Variants in RBFOX1 observed in about 807,000 individuals in gnomAD.
The protein encoded by RBFOX1 is RNA binding protein fox-1 homolog 1.
RBFOX1 carries 8 observed loss-of-function variants against 57.7 expected under a neutral mutation model. That is an observed-to-expected ratio of 0.14 (90% CI 0.08 to 0.25). The LOEUF (loss-of-function observed/expected upper bound fraction) is 0.25. Ranked by LOEUF, RBFOX1 falls within the 10% of genes least tolerant of loss-of-function variation. The pLI is 1.00. For synonymous variants in RBFOX1, 326 were observed against 222.4 expected (o/e 1.47, Z -4.15); for missense variants, 611 against 548.5 (o/e 1.11, Z -1.14).
chr16:5,736,605 G>A (rs573169660), intron 3 of RBFOX1, among the ~76,000 whole-genome samples: 6 of 152,234 alleles, frequency 3.9e-5, no homozygotes, highest in South Asian at 2.1e-4. Flanking sequence ...TGAAGTGGAA[G>A]CTATTTAAAT....
chr16:7,533,934 A>C (rs1035387674), intron 5 of RBFOX1, among the ~76,000 whole-genome samples: 3 of 152,130 alleles, frequency 2.0e-5, no homozygotes, highest in Non-Finnish European at 2.9e-5. Flanking sequence ...TAATTCTAAA[A>C]CCAATGGTGG....
At chr16:7,473,156 T>A (rs1227821182) in intron 4 of RBFOX1, among the ~76,000 whole-genome samples, 1 of 152,016 alleles carries the variant, frequency 6.6e-6, no homozygotes, top group Non-Finnish European at 1.5e-5. Context: ...GGTGGGTGAA[T>A]TGCTTTAAGC....
intron 3 of RBFOX1, among the ~76,000 whole-genome samples, chr16:6,899,536 G>C (rs1299829908): frequency 6.6e-6 from 1 of 152,194 alleles, no homozygotes; most frequent in East Asian, 1.9e-4. Context: ...TATATTTAGA[G>C]ACACCTGGAT....
chr16:7,665,156 T>A (rs1395226071), intron 13 of RBFOX1, among the ~76,000 whole-genome samples, 188 bp downstream of exon 13: 2 of 152,166 alleles, frequency 1.3e-5, no homozygotes, highest in Admixed American at 6.5e-5. Context: ...CATCACTGGC[T>A]GTTTAGTGGG....
chr16:7,256,914 C>G (rs899080398), intron 4 of RBFOX1, among the ~76,000 whole-genome samples: 3 of 152,102 alleles, frequency 2.0e-5, no homozygotes, highest in African/African-American at 4.8e-5. Flanking sequence ...CTACCCAAGT[C>G]TCTCTCCCTG....
intron 4 of RBFOX1, among the ~76,000 whole-genome samples, chr16:7,166,038 G>T (rs1260000055): frequency 6.6e-6 from 1 of 151,676 alleles, no homozygotes; most frequent in African/African-American, 2.4e-5. Flanking sequence ...TGTTGAGGTG[G>T]AATCTCATTC....
At chr16:5,652,965 G>T (rs1370864758) in intron 3 of RBFOX1, among the ~76,000 whole-genome samples, 3 of 152,254 alleles carry the variant, frequency 2.0e-5, no homozygotes, top group Non-Finnish European at 4.4e-5. Flanking sequence ...GCTGCACCCT[G>T]TGCACACTCA....
At chr16:6,383,302 A>C (rs1349691238) in intron 2 of RBFOX1, among the ~76,000 whole-genome samples, 1 of 151,992 alleles carries the variant, frequency 6.6e-6, no homozygotes, top group Non-Finnish European at 1.5e-5. Context: ...GCATCAGTTG[A>C]CTCTCCTCTT....
intron 1 of RBFOX1, among the ~76,000 whole-genome samples, chr16:5,348,340 A>G (rs150562108): frequency 6.6e-6 from 1 of 152,338 alleles, no homozygotes; most frequent in African/African-American, 2.4e-5. Flanking sequence ...AACATTTATG[A>G]CTAATAGTAA....
chr16:7,181,498 C>G (rs1326772954), intron 4 of RBFOX1, among the ~76,000 whole-genome samples: 1 of 151,828 alleles, frequency 6.6e-6, no homozygotes. Context: ...TAAATTCCTT[C>G]CTTCCTTCTT....
At chr16:7,665,177 C>A (rs144276103) in intron 13 of RBFOX1, among the ~76,000 whole-genome samples, 1 of 152,092 alleles carries the variant, frequency 6.6e-6, no homozygotes, top group Non-Finnish European at 1.5e-5. Flanking sequence ...GTGGAATTAA[C>A]CCCTCGATCA....
intron 4 of RBFOX1, among the ~76,000 whole-genome samples, chr16:5,934,569 C>T (rs1181807634): frequency 6.6e-6 from 1 of 152,068 alleles, no homozygotes; most frequent in Admixed American, 6.6e-5. Context: ...TGGACAGATC[C>T]CGCCAAGTGT....
intron 1 of RBFOX1, among the ~76,000 whole-genome samples, chr16:5,396,213 A>G (rs569703007): frequency 6.6e-6 from 1 of 152,354 alleles, no homozygotes; most frequent in African/African-American, 2.4e-5. Flanking sequence ...TACGTGAAAC[A>G]AGGCATCTGA....
chr16:5,344,603 C>T (rs766749385), intron 1 of RBFOX1, among the ~76,000 whole-genome samples: 1 of 151,932 alleles, frequency 6.6e-6, no homozygotes, highest in Admixed American at 6.5e-5. Flanking sequence ...TGTTTTTTTC[C>T]CCCTCCCCCG....
chr16:7,345,899 A>G (rs2096991235), intron 4 of RBFOX1, among the ~76,000 whole-genome samples: 1 of 152,060 alleles, frequency 6.6e-6, no homozygotes, highest in South Asian at 2.1e-4. Context: ...ACATACATAT[A>G]CATGTGCCAT....
chr16:5,908,555 A>G (rs2058535015), intron 4 of RBFOX1, among the ~76,000 whole-genome samples: 1 of 151,726 alleles, frequency 6.6e-6, no homozygotes, highest in Non-Finnish European at 1.5e-5. Context: ...TTTTCACCAT[A>G]TTGGCCTGGC....
chr16:7,597,317 G>A, intron 8 of RBFOX1, 54 bp from the exon 9 acceptor site: 2 of 1,347,252 alleles, frequency 1.5e-6, no homozygotes, highest in East Asian at 2.4e-5. Flanking sequence ...GCAACTAATT[G>A]AATTGGGAGC....
chr16:7,439,730 T>C (rs1183209834), intron 4 of RBFOX1, among the ~76,000 whole-genome samples: 1 of 152,170 alleles, frequency 6.6e-6, no homozygotes, highest in African/African-American at 2.4e-5. Context: ...TGCTAATGGA[T>C]GTGTCTTTTC....
chr16:7,152,608 G>C (rs537178764), intron 4 of RBFOX1, among the ~76,000 whole-genome samples: 91 of 152,266 alleles, frequency 6.0e-4, no homozygotes, highest in African/African-American at 2.0e-3. Flanking sequence ...TGGCTTCTCT[G>C]TGGTGTCTGT....
Sources: gnomAD v4.1 joint callset for allele counts (sites outside exome capture counted in the v4.1 genomes callset) on GRCh38, gnomAD v4.1.1 for gene constraint, MANE v1.5 for transcripts, NCBI Gene and HGNC (gene_info 2026-07-23, HGNC 2026-07-21) for gene names.